Variants in KHDRBS2 observed in about 807,000 individuals in gnomAD.
KHDRBS2 encodes KH RNA binding domain containing, signal transduction associated 2, also known as KH domain-containing, RNA-binding, signal transduction-associated protein 2.
A neutral mutation model predicts 44.3 loss-of-function variants in KHDRBS2; 26 were observed. The ratio of observed to expected loss-of-function variants is 0.59; its 90% CI spans 0.43 to 0.81. The LOEUF (loss-of-function observed/expected upper bound fraction) is 0.81. Ranked by LOEUF, KHDRBS2 falls within the 40% of genes least tolerant of loss-of-function variation. The probability of loss-of-function intolerance (pLI) is 0.00; values close to 1 mark genes in which losing one functional copy is unlikely to be tolerated. For synonymous variants in KHDRBS2, 194 were observed against 151.1 expected, an observed-to-expected ratio of 1.28 and a Z score of -2.08; for missense variants, 476 against 433.1, an observed-to-expected ratio of 1.10 and a Z score of -0.88.
At chr6:62,169,186 T>C (rs1252371909) in intron 2 of KHDRBS2, among the ~76,000 whole-genome samples, 2 of 146,080 alleles carry the variant, frequency 1.4e-5, no homozygotes, top group African/African-American at 2.5e-5. Flanking sequence ...TATGTATATA[T>C]ACGTATACAT....
At chr6:62,167,881 T>A (rs1300433047) in intron 2 of KHDRBS2, among the ~76,000 whole-genome samples, 1 of 152,178 alleles carries the variant, frequency 6.6e-6, no homozygotes, top group Non-Finnish European at 1.5e-5. Flanking sequence ...ATTTAGGAAC[T>A]ATTCTTAAAT....
At chr6:61,698,061 C>A (rs1768118040) in intron 7 of KHDRBS2, among the ~76,000 whole-genome samples, 1 of 152,154 alleles carries the variant, frequency 6.6e-6, no homozygotes, top group Non-Finnish European at 1.5e-5. Context: ...GACAATCAGG[C>A]TGTCGTTCCA....
intron 3 of KHDRBS2, among the ~76,000 whole-genome samples, chr6:62,030,830 A>G (rs1784212382): frequency 6.6e-6 from 1 of 152,156 alleles, no homozygotes; most frequent in Non-Finnish European, 1.5e-5. Flanking sequence ...ACACAAAGAC[A>G]TATATAAATC....
chr6:61,944,312 C>T (rs889525662), intron 4 of KHDRBS2, among the ~76,000 whole-genome samples: 2 of 152,066 alleles, frequency 1.3e-5, no homozygotes, highest in Non-Finnish European at 2.9e-5. Flanking sequence ...CAATGGAATA[C>T]TATTAGTCCA....
chr6:61,844,699 T>C (rs1187544944), intron 6 of KHDRBS2, among the ~76,000 whole-genome samples: 2 of 152,186 alleles, frequency 1.3e-5, no homozygotes, highest in Non-Finnish European at 2.9e-5. Flanking sequence ...TAATTTATAG[T>C]TAAATGAAGG....
chr6:61,948,796 G>A (rs1426128601), intron 4 of KHDRBS2, among the ~76,000 whole-genome samples: 1 of 151,636 alleles, frequency 6.6e-6, no homozygotes, highest in Non-Finnish European at 1.5e-5. Context: ...ATACGCACAT[G>A]CCTCTTCACC....
chr6:61,892,470 C>T (rs1013105652), intron 6 of KHDRBS2, among the ~76,000 whole-genome samples: 1 of 152,172 alleles, frequency 6.6e-6, no homozygotes, highest in East Asian at 1.9e-4. Flanking sequence ...AAGAACAAAG[C>T]TGGATGCATC....
At chr6:61,626,148 C>A in the KHDRBS2 span, among the ~76,000 whole-genome samples, 2 of 152,124 alleles carry the variant, frequency 1.3e-5, no homozygotes, top group East Asian at 3.8e-4. Flanking sequence ...AAGTCATATT[C>A]CTTCTGGAAT....
At chr6:62,076,729 A>C (rs1796407292) in intron 2 of KHDRBS2, among the ~76,000 whole-genome samples, 1 of 151,880 alleles carries the variant, frequency 6.6e-6, no homozygotes, top group Non-Finnish European at 1.5e-5. Context: ...AATGGAAGGG[A>C]TGCTCAATAG....
intron 4 of KHDRBS2, among the ~76,000 whole-genome samples, chr6:61,975,676 C>CACACAG (rs1225779332): frequency 3.6e-5 from 5 of 140,486 alleles, no homozygotes; most frequent in African/African-American, 1.0e-4. Context: ...CACACACACA[C>CACACAG]ACACAGAGAG....
At position 62,117,784 on chromosome 6, in the gene KHDRBS2, T is replaced by A. The variant is rs1321036506; in HGVS notation, c.219+59401A>T. Among the ~76,000 whole-genome samples the A allele has an allele frequency of 3.4e-5, 5 of 147,578 alleles. No homozygotes were observed. In the East Asian group the frequency reaches 9.7e-4, roughly 29 times the overall value. On this transcript the variant is annotated intron_variant, in intron 2 of 8. Coordinates refer to ENST00000281156, the MANE Select transcript of KHDRBS2 (RefSeq NM_152688.4). Reference sequence around the variant, plus strand: ...AAGCCATTTTGACTCAAATATTTTATTTTTTTTTTGAGATGGAGTCTCGCT... The same window carrying A: ...AAGCCATTTTGACTCAAATATTTTAATTTTTTTTTGAGATGGAGTCTCGCT...
At chr6:61,578,310 C>T in the KHDRBS2 span, among the ~76,000 whole-genome samples, 2 of 152,108 alleles carry the variant, frequency 1.3e-5, no homozygotes, top group African/African-American at 2.4e-5. Flanking sequence ...CTTAAGAATT[C>T]AGAGTGATCT....
chr6:62,082,603 A>G (rs1211429556), intron 2 of KHDRBS2, among the ~76,000 whole-genome samples: 1 of 152,128 alleles, frequency 6.6e-6, no homozygotes, highest in African/African-American at 2.4e-5. Context: ...CCTGATCAAC[A>G]AGGACATTTT....
At chr6:62,257,812 T>A (rs855408) in intron 1 of KHDRBS2, among the ~76,000 whole-genome samples, 121,260 of 151,950 alleles carry the variant, frequency 0.8, 49,041 homozygotes, top group African/African-American at 0.93. Context: ...CTATGGAGCA[T>A]GTACCCTGCT....
At chr6:62,180,119 A>G (rs959209687) in intron 1 of KHDRBS2, among the ~76,000 whole-genome samples, 1 of 151,866 alleles carries the variant, frequency 6.6e-6, no homozygotes, top group Non-Finnish European at 1.5e-5. Context: ...CAAACACTAC[A>G]TGTTCCAGAG....
At chr6:61,987,931 G>A (rs1467542703) in intron 3 of KHDRBS2, among the ~76,000 whole-genome samples, 1 of 152,132 alleles carries the variant, frequency 6.6e-6, no homozygotes, top group South Asian at 2.1e-4. Context: ...CTTCACAATT[G>A]CACATCCACA....
intron 1 of KHDRBS2, among the ~76,000 whole-genome samples, chr6:62,281,681 A>G (rs1353206206): frequency 6.6e-6 from 1 of 152,098 alleles, no homozygotes; most frequent in Non-Finnish European, 1.5e-5. Flanking sequence ...TCACAAGCAG[A>G]AGTTGTTTTT....
intron 6 of KHDRBS2, among the ~76,000 whole-genome samples, chr6:61,767,880 T>A (rs1203890335): frequency 6.6e-6 from 1 of 152,180 alleles, no homozygotes; most frequent in Non-Finnish European, 1.5e-5. Context: ...CACCTTTTAA[T>A]CTTTCTATTC....
the KHDRBS2 span, among the ~76,000 whole-genome samples, chr6:61,590,350 A>C: frequency 2.6e-5 from 4 of 152,196 alleles, no homozygotes; most frequent in African/African-American, 9.6e-5. Context: ...TGTCTCTTGC[A>C]TACATAACAG....
Sources: allele counts gnomAD v4.1 joint callset (sites outside exome capture counted in the v4.1 genomes callset), GRCh38; gene constraint gnomAD v4.1.1; transcripts MANE v1.5; gene names NCBI Gene and HGNC (gene_info 2026-07-23, HGNC 2026-07-21).